Variants in THBS4 observed in about 807,000 individuals in gnomAD.
THBS4 encodes thrombospondin 4, also known as thrombospondin-4.
Under a neutral mutation model 115.7 loss-of-function variants are expected in THBS4, and 90 were observed. The ratio of observed to expected loss-of-function variants is 0.78; its 90% confidence interval spans 0.66 to 0.93. The LOEUF is 0.93. THBS4 is among the 40% of genes least tolerant of loss of function. THBS4 has a pLI of 0.00. For synonymous variants in THBS4, 460 were observed against 479.3 expected (o/e 0.96, Z 0.53); for missense variants, 1,087 against 1,232.7 (o/e 0.88, Z 1.77).
intron 2 of THBS4, among the ~76,000 whole-genome samples, 167 bp downstream of exon 2, chr5:80,040,447 C>CG (rs60660392): frequency 4.9e-4 from 42 of 86,070 alleles, no homozygotes; most frequent in South Asian, 2.5e-3. Flanking sequence ...CCTATATTGG[C>CG]GGGGGGGTGG....
In THBS4 at chr5:80,080,579, C is replaced by CTTTTTT. The variant is rs67048630; in HGVS notation, c.2684+522_2684+527dup. ...AACTGCATGAGAGCAGCGCTTGTATCTTTTTTTTTTTTTTTTTTTTTTTTT... is the reference window on the plus strand; with the variant it reads ...AACTGCATGAGAGCAGCGCTTGTATCTTTTTTTTTTTTTTTTTTTTTTTTTTTTTTT... On this transcript the variant is annotated intron_variant, in intron 20 of 21. Transcript: ENST00000350881. 4.9e-3 allele frequency among the ~76,000 whole-genome samples: 247 copies of CTTTTTT among 50,486 alleles called. 34 individuals are homozygous for CTTTTTT. The highest frequency in any genetic ancestry group is 0.016 in the African/African-American group (206 of 12,698). The allele number at this position is 50,486 out of a possible 152,430, so 33.1% of individuals were successfully genotyped here.
chr5:80,030,950 T>G (rs1051603738), upstream of THBS4, among the ~76,000 whole-genome samples: 9 of 152,256 alleles, frequency 5.9e-5, no homozygotes, highest in African/African-American at 2.2e-4. Context: ...TACTTAGTTG[T>G]GCCAAATATC....
At chr5:80,062,469 C>T (rs1421945526) in intron 8 of THBS4, among the ~76,000 whole-genome samples, 1 of 152,126 alleles carries the variant, frequency 6.6e-6, no homozygotes, top group Non-Finnish European at 1.5e-5. Context: ...AAATTATTAG[C>T]TTTGAAGAAG....
At chr5:80,070,239 C>T in intron 10 of THBS4, 67 bp from the exon 11 acceptor site, 3 of 1,383,876 alleles carry the variant, frequency 2.2e-6, no homozygotes, top group Non-Finnish European at 3.0e-6. Context: ...GCAGAGAGGC[C>T]CTTGTCAGCC....
rs536913740 is a variant in THBS4 at position 80,069,797 on chromosome 5, G to A, written c.1348-509G>A. Among the ~76,000 whole-genome samples, 4 of 152,342 alleles carry A rather than the reference G, an allele frequency of 2.6e-5. No homozygotes were observed. In the East Asian group the frequency reaches 7.7e-4, roughly 29 times the overall value. On this transcript the variant is annotated intron_variant, in intron 10 of 21. Transcript: ENST00000350881. ...TCTGGAGTTCTGCCTCCTAAATCCT[G>A]GTTGCAGAGGGAGAGCACAGATGAT...
Position 80,007,991 on chromosome 5 carries a change from A to C in THBS4, n.177+9564A>C, listed in dbSNP as rs75895613. Among the ~76,000 whole-genome samples the C allele has an allele frequency of 5.2e-3, 791 of 152,320 alleles. 7 individuals carry two copies. The highest frequency in any genetic ancestry group is 0.018 in the African/African-American group (755 of 41,562). On this transcript the variant is annotated intron_variant and non_coding_transcript_variant, in intron 2 of 3. Transcript: ENST00000510218. ...GTATTTGGGGTAAGATCTTACAACAAACTGGGCCCAGGTCTGGAATAAATG... is the reference window on the plus strand; with the variant it reads ...GTATTTGGGGTAAGATCTTACAACACACTGGGCCCAGGTCTGGAATAAATG...
In THBS4 at chr5:80,065,482, G is replaced by A; in HGVS notation, c.1194+5G>A. On this transcript the variant is annotated splice_donor_5th_base_variant and intron_variant, in intron 9 of 21. Coordinates refer to ENST00000350881, the MANE Select transcript of THBS4 (RefSeq NM_003248.6). ...TCGATCTGCGTTAATACTTTGGTAA[G>A]TATTTCTCACAGCTGTTGTTATCAA... 1.9e-6 allele frequency: 3 copies of A among 1,612,370 alleles called. No homozygotes were observed. The highest frequency in any genetic ancestry group is 2.5e-6 in the Non-Finnish European group (3 of 1,179,238).
chr5:80,049,803 A>G (rs1427428001), intron 2 of THBS4, among the ~76,000 whole-genome samples: 3 of 152,176 alleles, frequency 2.0e-5, no homozygotes, highest in Non-Finnish European at 4.4e-5. Flanking sequence ...TTATTGAAGG[A>G]TTTCATTTGC....
At position 80,035,562 on chromosome 5, in the gene THBS4, G is replaced by C. The variant is rs1195647835; in HGVS notation, c.25G>C (p.Val9Leu). Residue 9 changes from valine to leucine, a missense_variant, in exon 1 of 22, where the codon GTC becomes CTC. Physicochemically the swap from Val to Leu is conservative, Grantham distance 32. This residue lies in a region of THBS4 where 979 missense variants were observed against 1,103.7 expected (regional missense o/e 0.89). Coordinates refer to ENST00000350881, the MANE Select transcript of THBS4 (RefSeq NM_003248.6). The surrounding 1 kb of genome is among the most constrained non-coding windows in gnomAD (Gnocchi z 4.6). MLAPRGAAVLLLHLVLQRW... is the reference protein window; with the variant it reads MLAPRGAALLLLHLVLQRW... Reference sequence around the variant, plus strand: ...CATGCTGGCCCCGCGCGGAGCCGCCGTCCTCCTGCTGCACCTGGTCCTGCA... The same window carrying C: ...CATGCTGGCCCCGCGCGGAGCCGCCCTCCTCCTGCTGCACCTGGTCCTGCA... 7.0e-7 allele frequency: 1 copy of C among 1,426,510 alleles called. No homozygotes were observed. Among genetic ancestry groups the C allele is most frequent in the Admixed American group, 2.6e-5 (1 of 38,548 alleles). 88.4% of individuals were successfully genotyped at this position (1,426,510 alleles called of 1,614,324 possible).
intron 14 of THBS4, 37 bp from the exon 15 acceptor site, chr5:80,073,238 G>T (rs753113442): frequency 6.2e-7 from 1 of 1,606,960 alleles, no homozygotes; most frequent in African/African-American, 1.3e-5. Flanking sequence ...GTACATGCAG[G>T]CCCAGGAATA....
intron 2 of THBS4, among the ~76,000 whole-genome samples, chr5:80,024,514 A>G (rs1391508419): frequency 6.6e-6 from 1 of 152,140 alleles, no homozygotes; most frequent in Non-Finnish European, 1.5e-5. Context: ...TTATTCATCC[A>G]AGAGCGTAAA....
At chr5:80,082,306 G>T in intron 20 of THBS4, 100 bp from the exon 21 acceptor site, 1 of 1,484,376 alleles carries the variant, frequency 6.7e-7, no homozygotes, top group Non-Finnish European at 9.1e-7. Flanking sequence ...AGCAAAGAAA[G>T]ACGCAGGTAC....
chr5:80,052,457 C>A (rs181661748), intron 2 of THBS4: 1 of 152,186 alleles, frequency 6.6e-6, no homozygotes, highest in Admixed American at 6.5e-5. Flanking sequence ...CTCTTCATAC[C>A]ACATTTATAT....
chr5:80,077,817 T>G (rs1032856754), intron 16 of THBS4, among the ~76,000 whole-genome samples: 2 of 152,092 alleles, frequency 1.3e-5, no homozygotes, highest in Non-Finnish European at 2.9e-5. Context: ...AATTGATCTT[T>G]CAAAAAACTC....
chr5:80,045,255 C>G (rs1224071848), intron 2 of THBS4, among the ~76,000 whole-genome samples: 2 of 152,100 alleles, frequency 1.3e-5, no homozygotes, highest in African/African-American at 4.8e-5. Context: ...ACAAGAACTG[C>G]TTCTTTAGTC....
intron 2 of THBS4, among the ~76,000 whole-genome samples, chr5:80,006,170 T>C (rs1832014140): frequency 6.6e-6 from 1 of 152,230 alleles, no homozygotes; most frequent in Non-Finnish European, 1.5e-5. Flanking sequence ...TTATAAAATA[T>C]GGAGGTTTCC....
In THBS4 at chr5:80,035,977, GC is replaced by G; in HGVS notation, c.88+354del. On this transcript the variant is annotated intron_variant, in intron 1 of 21. Transcript: ENST00000350881. This position sits in a 1 kb window ranked among gnomAD's most constrained non-coding sequence, Gnocchi z 4.6. ...GTGAATTCCGGGTCCTGCACCCTGT[GC>G]CGGTTCCCTCCAGGCAGCCTTGCTC... 9.7e-7 allele frequency: 1 copy of G among 1,031,142 alleles called. No individual in the cohort carries two copies. Among genetic ancestry groups the G allele is most frequent in the South Asian group, 4.6e-5 (1 of 21,764 alleles). The allele number at this position is 1,031,142 out of a possible 1,614,324, so 63.9% of individuals were successfully genotyped here.
At chr5:80,061,900 C>T in intron 8 of THBS4, 68 bp downstream of exon 8, 1 of 1,491,368 alleles carries the variant, frequency 6.7e-7, no homozygotes, top group South Asian at 1.3e-5. Flanking sequence ...GTTCCCACCT[C>T]TTTGGTATAA....
chr5:80,058,101 T>G, intron 3 of THBS4, 105 bp from the exon 4 acceptor site: 1 of 780,910 alleles, frequency 1.3e-6, no homozygotes. Flanking sequence ...TGTCAGAGGG[T>G]CCAAGTATAC....
Sources: gnomAD v4.1 joint callset for allele counts (sites outside exome capture counted in the v4.1 genomes callset) on GRCh38, gnomAD v4.1.1 for gene constraint, gnomAD v4.1.1 regional missense constraint, Gnocchi (gnomAD v3.1) non-coding constraint, MANE v1.5 for transcripts, NCBI Gene and HGNC (gene_info 2026-07-23, HGNC 2026-07-21) for gene names.